Variants in NELFCD observed in about 807,000 individuals in gnomAD.
NELFCD encodes negative elongation factor C/D.
A neutral mutation model predicts 72.9 loss-of-function variants in NELFCD; 48 were observed. The observed-to-expected ratio is 0.66, with a 90% CI of 0.52 to 0.84. The LOEUF (loss-of-function observed/expected upper bound fraction) is 0.84, where lower values mean the gene tolerates loss of function less well. Ranked by LOEUF, NELFCD falls within the 40% of genes least tolerant of loss-of-function variation. The probability of loss-of-function intolerance (pLI) is 0.00; values close to 1 mark genes in which losing one functional copy is unlikely to be tolerated. For missense variants in NELFCD, 538 were observed against 723.8 expected (o/e 0.74, Z 2.94); for synonymous variants, 297 against 280.6 (o/e 1.06, Z -0.59).
intron 7 of NELFCD, 21 bp downstream of exon 7, chr20:58,990,009 T>C (rs2091803857): frequency 6.2e-7 from 1 of 1,609,034 alleles, no homozygotes; most frequent in Non-Finnish European, 8.5e-7. Context: ...CTGTTTCTGC[T>C]CAGCCCTTCC....
At chr20:58,994,292 G>A (rs1266568144) in intron 14 of NELFCD, 53 bp downstream of exon 14, 79 of 1,585,382 alleles carry the variant, frequency 5.0e-5, no homozygotes, top group East Asian at 1.6e-4. Context: ...AGCTGGGCGC[G>A]GTGGCTCATG....
In NELFCD at chr20:58,987,429, G is replaced by A. The variant is rs111680092; in HGVS notation, c.287-279G>A. The A allele has an allele frequency of 1.5e-5, 6 of 410,964 alleles. 1 individual carries two copies. Among genetic ancestry groups the A allele is most frequent in the African/African-American group, 1.2e-4 (6 of 48,510 alleles). The allele number at this position is 410,964 out of a possible 1,614,324, so 25.5% of individuals were successfully genotyped here. On this transcript the variant is annotated intron_variant, in intron 3 of 14. Coordinates refer to ENST00000652272, the MANE Select transcript of NELFCD (RefSeq NM_198976.4). ...ATGTTTTTCCATCCCCCTACCTGTT[G>A]CTGGGGCCATTTGTCTTTATCCTCA...
intron 4 of NELFCD, among the ~76,000 whole-genome samples, chr20:58,988,139 C>T (rs1423574906): frequency 6.6e-6 from 1 of 152,178 alleles, no homozygotes; most frequent in Admixed American, 6.6e-5. Flanking sequence ...CAAGAAGCAG[C>T]TGCCAAGACA....
chr20:58,994,331 A>G (rs1026687159), intron 14 of NELFCD, 92 bp downstream of exon 14: 12 of 1,360,240 alleles, frequency 8.8e-6, no homozygotes, highest in Non-Finnish European at 1.0e-5. Flanking sequence ...TGGGAGGCCA[A>G]GGTGGGTGGA....
In NELFCD at chr20:58,982,683, G is replaced by A. The variant is rs2091744296; in HGVS notation, c.60+1314G>A. 3.9e-5 allele frequency among the ~76,000 whole-genome samples: 6 copies of A among 152,200 alleles called. 1 individual carries two copies. In the South Asian group the frequency reaches 1.2e-3, roughly 32 times the overall value. ...CTGCCTGGTGGAAGCAGTGGCAGGA[G>A]GTCAGTAGGGAGCAGGTTCTGAAGA... is the stretch of plus-strand genomic sequence containing the variant. On this transcript the variant is annotated intron_variant, in intron 1 of 14. Coordinates refer to ENST00000652272, the MANE Select transcript of NELFCD (RefSeq NM_198976.4).
In NELFCD at chr20:58,989,860, G is replaced by T. The variant is rs766299985; in HGVS notation, c.660G>T (p.Lys220Asn). 13 of 1,614,182 alleles carry T rather than the reference G, an allele frequency of 8.1e-6. No homozygotes were observed. Among genetic ancestry groups the T allele is most frequent in the Non-Finnish European group, 1.0e-5 (12 of 1,180,038 alleles). Residue 220 changes from lysine to asparagine, a missense_variant and splice_region_variant, in exon 7 of 15, where the codon AAG becomes AAT. Physicochemically the swap from Lys to Asn is moderately conservative, Grantham distance 94. Transcript: ENST00000652272. ...NLEKNLPEFA[K>N]MVCHGEHTYL... The stretch of plus-strand genomic sequence containing the variant: ...CCTCTCTCCCTGCAATCTTGCAGAA[G>T]ATGGTGTGCCACGGGGAGCACACGT...
Position 58,993,365 on chromosome 20 carries a change from T to G in NELFCD, c.1345-84T>G, listed in dbSNP as rs1310562686. 7.6e-7 allele frequency: 1 copy of G among 1,323,280 alleles called. No individual in the cohort carries two copies. The highest frequency in any genetic ancestry group is 1.1e-6 in the Non-Finnish European group (1 of 938,532). 82.0% of individuals were successfully genotyped at this position (1,323,280 alleles called of 1,614,324 possible). A position where few individuals can be genotyped will look rare whatever the true frequency, so the allele number is the denominator to read the frequency against. On this transcript the variant is annotated intron_variant, in intron 11 of 14. Coordinates refer to ENST00000652272, the MANE Select transcript of NELFCD (RefSeq NM_198976.4). The surrounding 1 kb of genome is among the most constrained non-coding windows in gnomAD (Gnocchi z 5.0). ...ACCTTCTTCCACAGTGATAAGCTCT[T>G]TGGTGGCTGTGACAGTGCCCAGTTT...
At chr20:58,990,799 G>A (rs1282798514) in intron 7 of NELFCD, 111 bp from the exon 8 acceptor site, 6 of 959,580 alleles carry the variant, frequency 6.3e-6, no homozygotes, top group African/African-American at 1.6e-5. Context: ...CAGTATACTC[G>A]TGAATGACAG....
chr20:58,984,018 G>A (rs1359114514), intron 1 of NELFCD, among the ~76,000 whole-genome samples: 1 of 152,122 alleles, frequency 6.6e-6, no homozygotes, highest in Non-Finnish European at 1.5e-5. Flanking sequence ...AGTTAGGAAA[G>A]GTGTTAGGAG....
Position 58,991,863 on chromosome 20 carries a change from T to TTG in NELFCD, c.1090-8_1090-7dup. The TTG allele has an allele frequency of 1.2e-6, 2 of 1,612,692 alleles. No homozygotes were observed. Among genetic ancestry groups the TTG allele is most frequent in the Non-Finnish European group, 1.7e-6 (2 of 1,178,966 alleles). On this transcript the variant is annotated splice_polypyrimidine_tract_variant and intron_variant, in intron 9 of 14. Transcript: ENST00000652272. ...TATCTGCCCTGTCAGGCTCACCAGC[T>TTG]TGTGTGTGTGTTTTCAGAACAAGCG...
rs2091802335 is a variant in NELFCD, at chr20:58,989,896, C to T, written c.696C>T (p.Ala232=). Residue 232 remains alanine (A), a synonymous_variant, in exon 7 of 15, where the codon GCC becomes GCT. Coordinates refer to ENST00000652272, the MANE Select transcript of NELFCD (RefSeq NM_198976.4). The stretch of plus-strand genomic sequence containing the variant: ...ACGGGGAGCACACGTACCTGTTTGC[C>T]CAGGCCATGATGTCCGTGCTGGCCC... ...VCHGEHTYLF[A]QAMMSVLAQE... is the part of the protein sequence containing the mutation. 8 of 1,614,228 alleles carry T rather than the reference C, an allele frequency of 5.0e-6. No individual in the cohort carries two copies. Among genetic ancestry groups the T allele is most frequent in the Non-Finnish European group, 6.8e-6 (8 of 1,180,048 alleles).
In NELFCD at chr20:58,989,992, A is replaced by G. The variant is rs746702794; in HGVS notation, c.788+4A>G. 3 of 1,611,702 alleles carry G rather than the reference A, an allele frequency of 1.9e-6. No homozygotes were observed. The highest frequency in any genetic ancestry group is 2.5e-6 in the Non-Finnish European group (3 of 1,179,962). On this transcript the variant is annotated splice_donor_region_variant and intron_variant, in intron 7 of 14. Coordinates refer to ENST00000652272, the MANE Select transcript of NELFCD (RefSeq NM_198976.4). ...TGCAGCGCTTTGCCCAGGAGAAGTG[A>G]GAGGCCCTGTTTCTGCTCAGCCCTT...
Position 58,990,907 on chromosome 20 carries a change from A to G in NELFCD, c.789-3A>G. 1 of 1,610,356 alleles carries G rather than the reference A, an allele frequency of 6.2e-7. No individual in the cohort carries two copies. On this transcript the variant is annotated splice_polypyrimidine_tract_variant and splice_region_variant and intron_variant, in intron 7 of 14. Coordinates refer to ENST00000652272, the MANE Select transcript of NELFCD (RefSeq NM_198976.4). ...AACGGGGTCTATGGTTTTTCTCATC[A>G]AGAGGTCATGACGCCAGTCAGATCA...
chr20:58,986,511 G>A lies in NELFCD; in HGVS notation c.177-243G>A, dbSNP rs1024823498. The A allele has an allele frequency of 5.4e-6, 3 of 557,198 alleles. No individual in the cohort carries two copies. Among genetic ancestry groups the A allele is most frequent in the Non-Finnish European group, 9.4e-6 (3 of 317,864 alleles). 34.5% of individuals were successfully genotyped at this position (557,198 alleles called of 1,614,324 possible). A position where few individuals can be genotyped will look rare whatever the true frequency, so the allele number is the denominator to read the frequency against. ...TCTGCCATCATGCCTGGCTATTTTT[G>A]TTTTTGTTTTTTGGGAGAGACAGGG... On this transcript the variant is annotated intron_variant, in intron 2 of 14. Coordinates refer to ENST00000652272, the MANE Select transcript of NELFCD (RefSeq NM_198976.4). This position sits in a 1 kb window ranked among gnomAD's most constrained non-coding sequence, Gnocchi z 4.4.
At chr20:58,990,146 C>T (rs938499086) in intron 7 of NELFCD, 158 bp downstream of exon 7, 1 of 972,744 alleles carries the variant, frequency 1.0e-6, no homozygotes, top group Admixed American at 2.8e-5. Flanking sequence ...CCTGTAATCC[C>T]AGCACTTTGG....
At chr20:58,984,235 A>G (rs546963415) in intron 1 of NELFCD, among the ~76,000 whole-genome samples, 1 of 152,266 alleles carries the variant, frequency 6.6e-6, no homozygotes, top group East Asian at 1.9e-4. Context: ...CAGAACGGAC[A>G]GGGGAAGTGG....
At chr20:58,991,230 C>A in intron 8 of NELFCD, 82 bp from the exon 9 acceptor site, 1 of 1,590,250 alleles carries the variant, frequency 6.3e-7, no homozygotes, top group Non-Finnish European at 8.6e-7. Flanking sequence ...TGGGCCCCTG[C>A]TGTGTAGGGA....
chr20:58,993,196 T>C lies in NELFCD; in HGVS notation c.1344+84T>C. 1 of 1,069,016 alleles carries C rather than the reference T, an allele frequency of 9.4e-7. No individual in the cohort carries two copies. Among genetic ancestry groups the C allele is most frequent in the Non-Finnish European group, 1.5e-6 (1 of 689,054 alleles). 66.2% of individuals were successfully genotyped at this position (1,069,016 alleles called of 1,614,324 possible). A position where few individuals can be genotyped will look rare whatever the true frequency, so the allele number is the denominator to read the frequency against. ...TGGCATTAACATTGCATCTATTCAG[T>C]GAGTTTAGAGGATACTCTTCTCAAA... On this transcript the variant is annotated intron_variant, in intron 11 of 14. Transcript: ENST00000652272. The surrounding 1 kb of genome is among the most constrained non-coding windows in gnomAD (Gnocchi z 5.0).
intron 1 of NELFCD, among the ~76,000 whole-genome samples, chr20:58,983,223 A>G (rs1156878262): frequency 6.8e-6 from 1 of 147,462 alleles, no homozygotes; most frequent in Non-Finnish European, 1.5e-5. Context: ...TGCAACTGCC[A>G]TCTCCTGGGT....
Sources: gnomAD v4.1 joint callset for allele counts (sites outside exome capture counted in the v4.1 genomes callset) on GRCh38, gnomAD v4.1.1 for gene constraint, Gnocchi (gnomAD v3.1) non-coding constraint, MANE v1.5 for transcripts, NCBI Gene and HGNC (gene_info 2026-07-23, HGNC 2026-07-21) for gene names.